Variants in SPIDR observed in about 807,000 individuals in gnomAD.
SPIDR encodes scaffold protein involved in DNA repair.
Under a neutral mutation model 104.6 loss-of-function variants are expected in SPIDR, and 93 were observed. The ratio of observed to expected loss-of-function variants is 0.89; its 90% CI spans 0.75 to 1.06. SPIDR has a LOEUF of 1.06. Ranked by LOEUF, SPIDR falls within the 50% of genes least tolerant of loss-of-function variation. The pLI, the probability that SPIDR is intolerant of heterozygous loss-of-function variation, is 0.00. For synonymous variants in SPIDR, 431 were observed against 416.9 expected (o/e 1.03, Z -0.41); for missense variants, 1,154 against 1,111.2 (o/e 1.04, Z -0.55).
intron 8 of SPIDR, among the ~76,000 whole-genome samples, chr8:47,570,738 GGCAAAGAATCTGAAAAGATTCTTTCT>G (rs1440912483): frequency 1.3e-5 from 2 of 151,980 alleles, no homozygotes; most frequent in Non-Finnish European, 2.9e-5. Flanking sequence ...TTTTAAAATG[GGCAAAGAATCTGAAAAGATTCTTTCT>G]GCAAAGAAGA....
chr8:47,488,415 C>T (rs1280610738), intron 8 of SPIDR, among the ~76,000 whole-genome samples: 8 of 152,116 alleles, frequency 5.3e-5, no homozygotes, highest in East Asian at 1.9e-4. Flanking sequence ...CTGAATTCTA[C>T]CAGAGGTACA....
At chr8:47,562,542 C>G (rs2057213068) in intron 8 of SPIDR, among the ~76,000 whole-genome samples, 1 of 152,184 alleles carries the variant, frequency 6.6e-6, no homozygotes, top group South Asian at 2.1e-4. Flanking sequence ...CAGGGCGCTC[C>G]ACCTCAAAGT....
intron 5 of SPIDR, among the ~76,000 whole-genome samples, chr8:47,389,606 G>A (rs2060335723): frequency 6.7e-6 from 1 of 148,738 alleles, no homozygotes; most frequent in South Asian, 2.2e-4. Flanking sequence ...GGAGAATGGC[G>A]TGAACCCGGA....
chr8:47,689,831 A>G (rs1000546094), intron 11 of SPIDR, among the ~76,000 whole-genome samples: 3 of 152,162 alleles, frequency 2.0e-5, no homozygotes, highest in Admixed American at 2.0e-4. Flanking sequence ...CAGGCTGCTT[A>G]CTGATCAGGT....
rs372270226 is a variant in SPIDR at position 47,718,505 on chromosome 8, C to CTT, written c.2341+4874_2341+4875dup. 3.3e-3 allele frequency among the ~76,000 whole-genome samples: 475 copies of CTT among 143,242 alleles called. 3 individuals carry two copies. The highest frequency in any genetic ancestry group is 0.011 in the African/African-American group (431 of 39,198). 94.0% of individuals were successfully genotyped at this position (143,242 alleles called of 152,430 possible). ...ATGCTTAAACTACTTATCTTTGGCT[C>CTT]TTTTTTTTTTTCATTTTTCTGTACC... On this transcript the variant is annotated intron_variant, in intron 16 of 19. Transcript: ENST00000297423.
rs570951583 is a variant in SPIDR at position 47,711,839 on chromosome 8, G to A, written c.1978-823G>A. On this transcript the variant is annotated intron_variant, in intron 14 of 19. Coordinates refer to ENST00000297423, the MANE Select transcript of SPIDR (RefSeq NM_001080394.4). ...TCAATATTACTTATTCATACTTCCT[G>A]TATATAATCAACCTCCTGACAATGT... is the stretch of plus-strand genomic sequence containing the variant. Among the ~76,000 whole-genome samples the A allele has an allele frequency of 3.9e-5, 6 of 152,230 alleles. No homozygotes were observed. In the South Asian group the frequency reaches 1.0e-3, roughly 26 times the overall value.
At chr8:47,394,905 A>G (rs1762152561) in intron 5 of SPIDR, among the ~76,000 whole-genome samples, 1 of 152,154 alleles carries the variant, frequency 6.6e-6, no homozygotes, top group South Asian at 2.1e-4. Context: ...ACAAAACTAA[A>G]ATGGTGAGGA....
chr8:47,531,457 C>T (rs1043348654), intron 8 of SPIDR, among the ~76,000 whole-genome samples: 2 of 152,274 alleles, frequency 1.3e-5, no homozygotes, highest in Non-Finnish European at 2.9e-5. Flanking sequence ...TGGTAGATCA[C>T]TTGGTTTGTT....
chr8:47,660,134 C>T (rs1053820101), intron 10 of SPIDR, among the ~76,000 whole-genome samples: 2 of 152,122 alleles, frequency 1.3e-5, no homozygotes, highest in Admixed American at 6.5e-5. Context: ...AATTGTACTC[C>T]CACAACTTCC....
At chr8:47,456,765 C>A (rs1318996704) in intron 8 of SPIDR, among the ~76,000 whole-genome samples, 1 of 152,118 alleles carries the variant, frequency 6.6e-6, no homozygotes, top group African/African-American at 2.4e-5. Context: ...CACTTCCCAC[C>A]CTTCCCCAAC....
At chr8:47,566,088 C>A (rs1191329723) in intron 8 of SPIDR, among the ~76,000 whole-genome samples, 1 of 138,450 alleles carries the variant, frequency 7.2e-6, no homozygotes, top group Non-Finnish European at 1.5e-5. Flanking sequence ...CTCACCACAA[C>A]CTCCGTCTCC....
At chr8:47,560,428 G>A (rs930615062) in intron 8 of SPIDR, among the ~76,000 whole-genome samples, 14 of 151,976 alleles carry the variant, frequency 9.2e-5, no homozygotes, top group South Asian at 2.1e-4. Flanking sequence ...CCTTCGTCCC[G>A]CCTGCAGCTG....
At chr8:47,692,786 A>G (rs1450644120) in intron 11 of SPIDR, among the ~76,000 whole-genome samples, 1 of 152,200 alleles carries the variant, frequency 6.6e-6, no homozygotes, top group African/African-American at 2.4e-5. Flanking sequence ...ATATTTCATG[A>G]CATAGATACA....
chr8:47,533,653 A>G (rs2086396469), intron 8 of SPIDR, among the ~76,000 whole-genome samples: 2 of 152,204 alleles, frequency 1.3e-5, no homozygotes, highest in South Asian at 4.1e-4. Flanking sequence ...CAACAAGCAT[A>G]TGGGGGAAAA....
At chr8:47,396,779 T>C (rs1330350689) in intron 6 of SPIDR, among the ~76,000 whole-genome samples, 153 bp downstream of exon 6, 2 of 152,376 alleles carry the variant, frequency 1.3e-5, no homozygotes, top group East Asian at 3.9e-4. Context: ...GGGTCATGGC[T>C]TTACTCATGC....
chr8:47,580,492 A>G (rs1213391040), intron 8 of SPIDR, among the ~76,000 whole-genome samples: 3 of 152,206 alleles, frequency 2.0e-5, no homozygotes, highest in Admixed American at 6.5e-5. Context: ...TCACAAAGAC[A>G]TTAAATTTGT....
intron 11 of SPIDR, among the ~76,000 whole-genome samples, chr8:47,699,641 G>A (rs1338944235): frequency 1.3e-5 from 2 of 151,884 alleles, no homozygotes; most frequent in Admixed American, 6.6e-5. Context: ...TGCAACCTCC[G>A]CCTCCCGGGT....
intron 8 of SPIDR, among the ~76,000 whole-genome samples, chr8:47,530,938 A>C (rs1303492393): frequency 1.3e-5 from 2 of 151,822 alleles, no homozygotes; most frequent in East Asian, 3.9e-4. Flanking sequence ...TTTAAAGGCA[A>C]GGTTGTGCAT....
intron 11 of SPIDR, among the ~76,000 whole-genome samples, chr8:47,681,790 A>G (rs577891537): frequency 5.3e-5 from 8 of 152,208 alleles, no homozygotes; most frequent in Non-Finnish European, 1.2e-4. Context: ...TGTATTTTGC[A>G]TAAGAACAAT....
Sources: allele counts gnomAD v4.1 joint callset (sites outside exome capture counted in the v4.1 genomes callset), GRCh38; gene constraint gnomAD v4.1.1; transcripts MANE v1.5; gene names NCBI Gene and HGNC (gene_info 2026-07-23, HGNC 2026-07-21).